STK39: variants seen among roughly 807,000 people sequenced by gnomAD.
STK39 encodes the protein serine/threonine kinase 39, also known as STE20/SPS1-related proline-alanine-rich protein kinase.
In STK39, 20 loss-of-function variants were observed where a neutral mutation model predicts 77.8. The ratio of observed to expected loss-of-function variants is 0.26; its 90% confidence interval spans 0.18 to 0.37. The LOEUF is 0.37. Ranked by LOEUF, STK39 falls within the 10% of genes least tolerant of loss-of-function variation. STK39 has a pLI of 1.00. For missense variants in STK39, 479 were observed against 656.5 expected, an observed-to-expected ratio of 0.73 and a Z score of 2.95; for synonymous variants, 246 against 234.1, an observed-to-expected ratio of 1.05 and a Z score of -0.47.
intron 10 of STK39, among the ~76,000 whole-genome samples, chr2:168,114,330 A>G (rs1055521942): frequency 3.9e-5 from 6 of 152,262 alleles, no homozygotes; most frequent in African/African-American, 1.4e-4. Flanking sequence ...ATGACATTTA[A>G]ATACTTCCTT....
chr2:168,037,236 C>T (rs1335895276), intron 14 of STK39, among the ~76,000 whole-genome samples: 1 of 152,178 alleles, frequency 6.6e-6, no homozygotes, highest in Non-Finnish European at 1.5e-5. Context: ...ATACAAAATT[C>T]AATCACTACT....
intron 17 of STK39, among the ~76,000 whole-genome samples, chr2:167,960,300 C>A (rs1197598348): frequency 2.1e-5 from 3 of 144,814 alleles, no homozygotes; most frequent in Non-Finnish European, 4.6e-5. Context: ...CCCAGCCCCC[C>A]ACTGCCTTGC....
At chr2:168,148,789 T>A (rs1284571510) in intron 5 of STK39, among the ~76,000 whole-genome samples, 3 of 152,154 alleles carry the variant, frequency 2.0e-5, no homozygotes, top group Non-Finnish European at 4.4e-5. Flanking sequence ...CTGCCATCAA[T>A]AATCCCTAAA....
intron 1 of STK39, among the ~76,000 whole-genome samples, chr2:168,216,678 C>T (rs935817071): frequency 1.3e-5 from 2 of 152,182 alleles, no homozygotes; most frequent in African/African-American, 4.8e-5. Flanking sequence ...GGCAAAGAAA[C>T]GTTGTTATAA....
chr2:168,112,057 T>C (rs1687132952), intron 10 of STK39, among the ~76,000 whole-genome samples: 1 of 151,986 alleles, frequency 6.6e-6, no homozygotes, highest in African/African-American at 2.4e-5. Context: ...CCCTGCTCTT[T>C]AACTTACAAT....
At chr2:168,080,266 A>G (rs1365095849) in intron 10 of STK39, among the ~76,000 whole-genome samples, 1 of 152,194 alleles carries the variant, frequency 6.6e-6, no homozygotes, top group Non-Finnish European at 1.5e-5. Flanking sequence ...GGGTGCTGTT[A>G]AAGGCATTCA....
chr2:168,151,277 A>G (rs1688274811), intron 5 of STK39, among the ~76,000 whole-genome samples: 1 of 152,230 alleles, frequency 6.6e-6, no homozygotes, highest in African/African-American at 2.4e-5. Context: ...CCATAAAGGT[A>G]GAGTTTCATC....
intron 8 of STK39, 84 bp downstream of exon 8, chr2:168,138,004 C>T: frequency 6.7e-7 from 1 of 1,496,090 alleles, no homozygotes; most frequent in Non-Finnish European, 9.0e-7. Flanking sequence ...TTCCAGTGTC[C>T]TCACAAAGCC....
chr2:168,021,655 G>A (rs559368263), intron 14 of STK39, among the ~76,000 whole-genome samples: 14 of 152,112 alleles, frequency 9.2e-5, no homozygotes, highest in South Asian at 2.1e-4. Flanking sequence ...TTCAACACTC[G>A]GCTGCCTTTG....
intron 1 of STK39, among the ~76,000 whole-genome samples, chr2:168,191,002 T>C (rs1037361594): frequency 6.6e-6 from 1 of 152,164 alleles, no homozygotes; most frequent in African/African-American, 2.4e-5. Context: ...AAGGTACAAG[T>C]GTCCTGGTTT....
rs1684442645 is a variant in STK39, at chr2:168,017,419, T to A, written c.1377-324A>T. Among the ~76,000 whole-genome samples the A allele has an allele frequency of 4.2e-5, 6 of 143,170 alleles. No individual in the cohort carries two copies. The South Asian group carries it at 1.4e-3, about 32-fold the overall frequency. The allele number at this position is 143,170 out of a possible 152,430, so 93.9% of individuals were successfully genotyped here. ...TTTTTTTTGAGACAGAGTTTCGCTC[T>A]TGTTGTCCAGGCTGGAGTGCGATGG... On this transcript the variant is annotated intron_variant, in intron 14 of 17. Transcript: ENST00000355999.
At chr2:167,970,058 C>T (rs757439124) in intron 16 of STK39, among the ~76,000 whole-genome samples, 6 of 152,170 alleles carry the variant, frequency 3.9e-5, no homozygotes, top group Non-Finnish European at 7.3e-5. Flanking sequence ...CATTCCCTCT[C>T]CCGGAAATGT....
At chr2:168,156,089 C>G (rs1324841677) in intron 5 of STK39, among the ~76,000 whole-genome samples, 1 of 152,142 alleles carries the variant, frequency 6.6e-6, no homozygotes, top group Non-Finnish European at 1.5e-5. Flanking sequence ...CATAGGCTAG[C>G]TAGAGTATGG....
chr2:168,187,350 CA>C (rs5836176), intron 1 of STK39, among the ~76,000 whole-genome samples: 130,802 of 145,178 alleles, frequency 0.9, 59,673 homozygotes, highest in Non-Finnish European at 0.98. Flanking sequence ...GACTCCATCT[CA>C]AAAAAAAAAA....
chr2:168,116,286 G>C (rs1212352518), intron 10 of STK39, among the ~76,000 whole-genome samples: 1 of 152,158 alleles, frequency 6.6e-6, no homozygotes, highest in Admixed American at 6.6e-5. Flanking sequence ...TATGATTGCT[G>C]TGAAAGTTGT....
chr2:168,071,570 A>AT (rs1302198640), intron 12 of STK39, among the ~76,000 whole-genome samples: 2 of 152,196 alleles, frequency 1.3e-5, no homozygotes, highest in African/African-American at 4.8e-5. Flanking sequence ...TGGTACAGCT[A>AT]TTGATAGCAA....
At chr2:168,193,524 C>T (rs1292627096) in intron 1 of STK39, among the ~76,000 whole-genome samples, 2 of 152,208 alleles carry the variant, frequency 1.3e-5, no homozygotes. Flanking sequence ...GGAACACCTG[C>T]TAAGCCCCGG....
intron 15 of STK39, among the ~76,000 whole-genome samples, chr2:168,014,498 A>G (rs1431333316): frequency 6.6e-6 from 1 of 150,744 alleles, no homozygotes; most frequent in East Asian, 1.9e-4. Context: ...ATAAAAAAAA[A>G]ACACCTTATA....
At chr2:168,091,425 T>C (rs900494035) in intron 10 of STK39, among the ~76,000 whole-genome samples, 11 of 152,206 alleles carry the variant, frequency 7.2e-5, no homozygotes, top group South Asian at 4.1e-4. Context: ...TGAATTCCCA[T>C]TGGAGGCTAG....
Sources: allele counts gnomAD v4.1 joint callset (sites outside exome capture counted in the v4.1 genomes callset), GRCh38; gene constraint gnomAD v4.1.1; transcripts MANE v1.5; gene names NCBI Gene and HGNC (gene_info 2026-07-23, HGNC 2026-07-21).